The following PKD1L3 variants were observed in gnomAD, a reference collection of about 807,000 sequenced individuals.
PKD1L3 encodes polycystin-1-like protein 3.
In PKD1L3, 239 loss-of-function variants were observed where a neutral mutation model predicts 184.1. The observed-to-expected ratio is 1.30, with a 90% CI of 1.17 to 1.45. The LOEUF (loss-of-function observed/expected upper bound fraction) is 1.45. Ranked by LOEUF, PKD1L3 falls within the 40% of genes most tolerant of loss-of-function variation. PKD1L3 has a pLI of 0.00. For missense variants in PKD1L3, 2,660 were observed against 2,067.2 expected (o/e 1.29, Z -5.56); for synonymous variants, 996 against 778.8 (o/e 1.28, Z -4.64).
chr16:71,990,569 A>C lies in PKD1L3; in HGVS notation c.536-240T>G, dbSNP rs1164041624. ...CCAGTGTGGTGAAACCCCTATCTCTACTAAAAACATAATAATTAGCCGGGC... is the reference window on the plus strand; with the variant it reads ...CCAGTGTGGTGAAACCCCTATCTCTCCTAAAAACATAATAATTAGCCGGGC... On this transcript the variant is annotated intron_variant, in intron 3 of 29. Coordinates refer to ENST00000620267, the MANE Select transcript of PKD1L3 (RefSeq NM_181536.2). Among the ~76,000 whole-genome samples the C allele has an allele frequency of 2.0e-5, 3 of 152,052 alleles. No individual in the cohort carries two copies. The East Asian group carries it at 5.8e-4, about 29-fold the overall frequency.
At chr16:71,992,484 T>C (rs1165274058) in intron 3 of PKD1L3, among the ~76,000 whole-genome samples, 1 of 152,332 alleles carries the variant, frequency 6.6e-6, no homozygotes, top group East Asian at 1.9e-4. Context: ...GTCTTTAACA[T>C]CATTGCATTA....
At chr16:71,982,341 A>C in intron 6 of PKD1L3, 106 bp from the exon 7 acceptor site, 1 of 1,015,210 alleles carries the variant, frequency 9.9e-7, no homozygotes, top group Non-Finnish European at 1.3e-6. Flanking sequence ...GCTAGAGTGC[A>C]ATGGCGTGAT....
Position 71,967,941 on chromosome 16 carries a change from T to C in PKD1L3, c.2251A>G (p.Thr751Ala), listed in dbSNP as rs1446090260. 12 of 1,551,636 alleles carry C rather than the reference T, an allele frequency of 7.7e-6. No individual in the cohort carries two copies. In the South Asian group the frequency reaches 1.4e-4, roughly 18 times the overall value. Residue 751 changes from threonine to alanine, a missense_variant, in exon 14 of 30, where the codon ACC becomes GCC. Coordinates refer to ENST00000620267, the MANE Select transcript of PKD1L3 (RefSeq NM_181536.2). ...AQFHYLIQVY[T>A]GYRRSAATTA... ...GTAGCAGCGCTTCTTCGATATCCGGTGTAGACCTGAATAAGGTAGTGAAAT... is the reference window on the plus strand; with the variant it reads ...GTAGCAGCGCTTCTTCGATATCCGGCGTAGACCTGAATAAGGTAGTGAAAT...
chr16:71,945,381 CACAT>C (rs201625169), intron 22 of PKD1L3, among the ~76,000 whole-genome samples: 2,994 of 62,006 alleles, frequency 0.048, 149 homozygotes, highest in African/African-American at 0.17. Context: ...CACGCACACA[CACAT>C]ATATATATAT....
At chr16:71,964,996 G>A (rs928689660) in intron 15 of PKD1L3, among the ~76,000 whole-genome samples, 1 of 151,890 alleles carries the variant, frequency 6.6e-6, no homozygotes, top group African/African-American at 2.4e-5. Flanking sequence ...ACAGGCATGA[G>A]CCATCACGCC....
intron 16 of PKD1L3, among the ~76,000 whole-genome samples, chr16:71,958,976 A>G (rs920820923): frequency 6.7e-6 from 1 of 149,080 alleles, no homozygotes; most frequent in Non-Finnish European, 1.5e-5. Context: ...AATCCCAGCT[A>G]CTCCGGAGGC....
chr16:71,948,803 T>A (rs149238123), intron 21 of PKD1L3, among the ~76,000 whole-genome samples: 35 of 81,200 alleles, frequency 4.3e-4, no homozygotes, highest in African/African-American at 5.6e-4. Flanking sequence ...TTACATATAG[T>A]AAAAAAAAAA....
intron 3 of PKD1L3, chr16:71,991,127 T>C (rs1329431474): frequency 1.2e-5 from 2 of 165,632 alleles, no homozygotes; most frequent in Non-Finnish European, 2.7e-5. Flanking sequence ...CATAAGTATA[T>C]GTGCCATCTT....
intron 4 of PKD1L3, among the ~76,000 whole-genome samples, 190 bp downstream of exon 4, chr16:71,990,085 CAAAAA>C (rs34692174): frequency 5.0e-5 from 6 of 119,140 alleles, no homozygotes; most frequent in Admixed American, 9.3e-5. Context: ...TCTCTCCCAC[CAAAAA>C]AAAAAAAAAA....
At chr16:71,971,718 A>C (rs150261318) in intron 12 of PKD1L3, among the ~76,000 whole-genome samples, 3 of 152,322 alleles carry the variant, frequency 2.0e-5, no homozygotes, top group African/African-American at 7.2e-5. Context: ...TCTACATTTT[A>C]ACAAACTGAT....
At chr16:71,943,927 A>G in intron 23 of PKD1L3, 103 bp downstream of exon 23, 1 of 1,326,570 alleles carries the variant, frequency 7.5e-7, no homozygotes, top group African/African-American at 1.5e-5. Flanking sequence ...ATTTTAAAAG[A>G]CAGCTTTTTA....
At chr16:71,986,888 G>C (rs546416180) in intron 4 of PKD1L3, among the ~76,000 whole-genome samples, 2 of 149,188 alleles carry the variant, frequency 1.3e-5, no homozygotes, top group East Asian at 3.9e-4. Flanking sequence ...TGGATGTCAT[G>C]GAGGATGTTC....
At chr16:71,945,561 A>G in intron 22 of PKD1L3, among the ~76,000 whole-genome samples, 1 of 151,664 alleles carries the variant, frequency 6.6e-6, no homozygotes. Context: ...ACCTGTAATC[A>G]CAGCTACTCG....
chr16:71,991,530 C>T (rs7204798), intron 3 of PKD1L3, among the ~76,000 whole-genome samples: 32,675 of 152,048 alleles, frequency 0.21, 3,792 homozygotes, highest in East Asian at 0.39. Context: ...AAATTAGTCC[C>T]TGATATGGAA....
chr16:71,986,581 G>C, intron 4 of PKD1L3, 112 bp from the exon 5 acceptor site: 1 of 1,224,406 alleles, frequency 8.2e-7, no homozygotes, highest in Non-Finnish European at 1.1e-6. Flanking sequence ...ATACTAATAG[G>C]CATTTCTGTT....
rs71153688 is a variant in PKD1L3 at position 71,976,264 on chromosome 16, C to CTTTTTTTT, written c.1759+964_1759+971dup. ...ATGAGCCACTGAGTGCCCAGCCTGT[C>CTTTTTTTT]TTTTTTTTTTTTTTTTAAGACAGTC... On this transcript the variant is annotated intron_variant, in intron 11 of 29. Transcript: ENST00000620267. Among the ~76,000 whole-genome samples the CTTTTTTTT allele has an allele frequency of 4.6e-4, 38 of 81,770 alleles. 3 individuals are homozygous for CTTTTTTTT. Among genetic ancestry groups the CTTTTTTTT allele is most frequent in the African/African-American group, 1.6e-3 (34 of 21,048 alleles). 53.6% of individuals were successfully genotyped at this position (81,770 alleles called of 152,430 possible). A position where few individuals can be genotyped will look rare whatever the true frequency, so the allele number is the denominator to read the frequency against.
chr16:71,958,615 T>C (rs1049890715), intron 16 of PKD1L3, among the ~76,000 whole-genome samples: 1 of 149,932 alleles, frequency 6.7e-6, no homozygotes, highest in Non-Finnish European at 1.5e-5. Flanking sequence ...ACCCCATCTC[T>C]ACTAAAAATA....
In PKD1L3 at chr16:71,944,171, C is replaced by T; in HGVS notation, c.3719-1G>A. ...CCTGGTACTGACGAAGAACATTTTGCTGTCAAAAATTCAAATATAGACCAA... is the reference window on the plus strand; with the variant it reads ...CCTGGTACTGACGAAGAACATTTTGTTGTCAAAAATTCAAATATAGACCAA... On this transcript the variant is annotated splice_acceptor_variant, in intron 22 of 29. Coordinates refer to ENST00000620267, the MANE Select transcript of PKD1L3 (RefSeq NM_181536.2). LOFTEE classifies it high-confidence loss of function. 6.5e-7 allele frequency: 1 copy of T among 1,547,840 alleles called. No homozygotes were observed. Among genetic ancestry groups the T allele is most frequent in the Non-Finnish European group, 8.7e-7 (1 of 1,144,966 alleles).
intron 24 of PKD1L3, among the ~76,000 whole-genome samples, chr16:71,938,129 C>A (rs944821446): frequency 2.6e-5 from 4 of 152,064 alleles, no homozygotes; most frequent in Non-Finnish European, 5.9e-5. Flanking sequence ...TCCCTGCACT[C>A]GGGGGCTCAG....
Sources: allele counts gnomAD v4.1 joint callset (sites outside exome capture counted in the v4.1 genomes callset), GRCh38; gene constraint gnomAD v4.1.1; transcripts MANE v1.5; gene names NCBI Gene and HGNC (gene_info 2026-07-23, HGNC 2026-07-21).